Variants in SNTG1 observed in about 807,000 individuals in gnomAD.
SNTG1 encodes the protein syntrophin gamma 1, also known as gamma-1-syntrophin.
SNTG1 carries 39 observed loss-of-function variants against 74.7 expected under a neutral mutation model. The observed-to-expected ratio is 0.52, with a 90% CI of 0.40 to 0.68. The LOEUF (loss-of-function observed/expected upper bound fraction) is 0.68, where lower values mean the gene tolerates loss of function less well. Ranked by LOEUF, SNTG1 falls within the 30% of genes least tolerant of loss-of-function variation. The probability of loss-of-function intolerance (pLI) is 0.00; values close to 1 mark genes in which losing one functional copy is unlikely to be tolerated. For synonymous variants in SNTG1, 254 were observed against 217.1 expected (o/e 1.17, Z -1.49); for missense variants, 685 against 609.5 (o/e 1.12, Z -1.30).
chr8:50,160,905 G>A (rs562567104), intron 1 of SNTG1, among the ~76,000 whole-genome samples: 3 of 152,242 alleles, frequency 2.0e-5, no homozygotes, highest in South Asian at 2.1e-4. Flanking sequence ...CCTGGAAGAA[G>A]GATAGGAGTC....
chr8:49,936,898 C>A (rs1020798974), intron 1 of SNTG1, among the ~76,000 whole-genome samples: 11 of 152,298 alleles, frequency 7.2e-5, no homozygotes, highest in African/African-American at 2.6e-4. Context: ...TCTGTAATCC[C>A]AGCACTTTGG....
At chr8:49,971,552 T>C (rs1404283567) in intron 1 of SNTG1, among the ~76,000 whole-genome samples, 1 of 152,044 alleles carries the variant, frequency 6.6e-6, no homozygotes, top group Non-Finnish European at 1.5e-5. Context: ...GGGTATTCAA[T>C]TAGGAAAAGA....
chr8:50,471,576 A>T (rs909039099), intron 8 of SNTG1, among the ~76,000 whole-genome samples: 2 of 152,166 alleles, frequency 1.3e-5, no homozygotes, highest in Admixed American at 6.5e-5. Flanking sequence ...CAAGTTACAT[A>T]TTATCTTAGC....
chr8:50,364,428 A>G (rs1048222889), intron 2 of SNTG1, among the ~76,000 whole-genome samples: 1 of 152,118 alleles, frequency 6.6e-6, no homozygotes, highest in Non-Finnish European at 1.5e-5. Context: ...AATTTCACAC[A>G]CTTACTGTCA....
chr8:50,161,772 G>GA lies in SNTG1; in HGVS notation c.-102-10780dup, dbSNP rs757404720. On this transcript the variant is annotated intron_variant, in intron 1 of 18. Transcript: ENST00000642720. Reference sequence around the variant, plus strand: ...AAGAAACAGAAAAGAAAAAGAAAAAGAAAAAAAAAGTCACCCAATCAAAAC... The same window carrying GA: ...AAGAAACAGAAAAGAAAAAGAAAAAGAAAAAAAAAAGTCACCCAATCAAAAC... 1.4e-3 allele frequency among the ~76,000 whole-genome samples: 215 copies of GA among 150,156 alleles called. 2 individuals carry two copies. Among genetic ancestry groups the GA allele is most frequent in the Admixed American group, 2.7e-3 (41 of 15,102 alleles).
At chr8:50,288,241 C>G (rs1409120908) in intron 2 of SNTG1, among the ~76,000 whole-genome samples, 1 of 152,104 alleles carries the variant, frequency 6.6e-6, no homozygotes, top group African/African-American at 2.4e-5. Flanking sequence ...TTGCACACAT[C>G]TACAACTCTC....
At chr8:50,151,556 A>G (rs1265821382) in intron 1 of SNTG1, among the ~76,000 whole-genome samples, 1 of 152,072 alleles carries the variant, frequency 6.6e-6, no homozygotes, top group Admixed American at 6.5e-5. Flanking sequence ...TAGTGCTGTA[A>G]ATTTCCCTCT....
At position 49,947,506 on chromosome 8, in the gene SNTG1, C is replaced by G. The variant is rs566243525; in HGVS notation, c.-103+35275C>G. Among the ~76,000 whole-genome samples, 49 of 152,274 alleles carry G rather than the reference C, an allele frequency of 3.2e-4. 1 individual carries two copies. In the South Asian group the frequency reaches 7.5e-3, roughly 23 times the overall value. Reference sequence around the variant, plus strand: ...CCCCATTTCCACTGATACACACGTACACAGTATAAATGGCATCTTCCAGGA... The same window carrying G: ...CCCCATTTCCACTGATACACACGTAGACAGTATAAATGGCATCTTCCAGGA... On this transcript the variant is annotated intron_variant, in intron 1 of 18. Transcript: ENST00000642720.
intron 12 of SNTG1, among the ~76,000 whole-genome samples, chr8:50,585,147 A>G (rs1563612013): frequency 6.6e-6 from 1 of 152,208 alleles, no homozygotes; most frequent in Non-Finnish European, 1.5e-5. Context: ...GAAATCAAGC[A>G]GAGATGAATA....
intron 13 of SNTG1, among the ~76,000 whole-genome samples, chr8:50,595,570 T>G (rs1302092844): frequency 6.6e-6 from 1 of 152,112 alleles, no homozygotes; most frequent in African/African-American, 2.4e-5. Flanking sequence ...TACACATAAG[T>G]ACCTGGGTTT....
rs1473939563 is a variant in SNTG1 at position 50,550,711 on chromosome 8, C to A, written c.681-2339C>A. On this transcript the variant is annotated intron_variant, in intron 11 of 18. Coordinates refer to ENST00000642720, the MANE Select transcript of SNTG1 (RefSeq NM_018967.5). ...TGTGTGTGTATATATATATATATGA[C>A]ACATAATTTTGTCTGAGTATCCATA... Among the ~76,000 whole-genome samples, 5 of 148,146 alleles carry A rather than the reference C, an allele frequency of 3.4e-5. No individual in the cohort carries two copies. The East Asian group carries it at 9.7e-4, about 29-fold the overall frequency.
chr8:50,530,521 A>G (rs1227096722), intron 10 of SNTG1, among the ~76,000 whole-genome samples: 1 of 152,224 alleles, frequency 6.6e-6, no homozygotes, highest in African/African-American at 2.4e-5. Context: ...TATAATATAC[A>G]ATCATTTTAG....
intron 1 of SNTG1, among the ~76,000 whole-genome samples, chr8:50,047,333 C>T (rs552911757): frequency 4.0e-5 from 6 of 150,104 alleles, no homozygotes; most frequent in South Asian, 2.1e-4. Context: ...AGAGATGCTG[C>T]CAAAAAAAAA....
chr8:50,587,041 T>C (rs536605149), intron 12 of SNTG1, among the ~76,000 whole-genome samples: 1 of 152,078 alleles, frequency 6.6e-6, no homozygotes, highest in Non-Finnish European at 1.5e-5. Flanking sequence ...TACTTATGTA[T>C]GCACATTAAA....
chr8:50,152,455 T>A (rs2082102967), intron 1 of SNTG1, among the ~76,000 whole-genome samples: 1 of 152,164 alleles, frequency 6.6e-6, no homozygotes, highest in Admixed American at 6.5e-5. Context: ...TCATTATATG[T>A]TATCTGGTTA....
At chr8:50,438,127 T>A (rs1348401462) in intron 4 of SNTG1, among the ~76,000 whole-genome samples, 1 of 152,100 alleles carries the variant, frequency 6.6e-6, no homozygotes, top group East Asian at 1.9e-4. Context: ...CAGGCAGGGA[T>A]GGAGACAGGG....
intron 13 of SNTG1, among the ~76,000 whole-genome samples, chr8:50,653,590 A>G (rs2131250697): frequency 6.6e-6 from 1 of 152,174 alleles, no homozygotes; most frequent in Admixed American, 6.5e-5. Flanking sequence ...TGCATTGTTT[A>G]TGAAACAAAC....
intron 1 of SNTG1, among the ~76,000 whole-genome samples, chr8:50,088,567 C>T (rs1823144121): frequency 7.4e-6 from 1 of 134,448 alleles, no homozygotes; most frequent in Non-Finnish European, 1.7e-5. Context: ...TCTCAGGATA[C>T]AAAATCAATG....
intron 13 of SNTG1, among the ~76,000 whole-genome samples, chr8:50,635,084 T>C (rs1456110172): frequency 3.3e-5 from 5 of 152,092 alleles, no homozygotes; most frequent in African/African-American, 1.2e-4. Flanking sequence ...CACCCCATTT[T>C]AACGTCAGCT....
Sources: gnomAD v4.1 joint callset for allele counts (sites outside exome capture counted in the v4.1 genomes callset) on GRCh38, gnomAD v4.1.1 for gene constraint, MANE v1.5 for transcripts, NCBI Gene and HGNC (gene_info 2026-07-23, HGNC 2026-07-21) for gene names.